The following TSNARE1 variants were observed in gnomAD, a reference collection of about 807,000 sequenced individuals.
TSNARE1 encodes t-SNARE domain containing 1, also known as t-SNARE domain-containing protein 1.
In TSNARE1, 49 loss-of-function variants were observed where a neutral mutation model predicts 62.0. The observed-to-expected ratio is 0.79, with a 90% confidence interval of 0.63 to 1.00. The LOEUF (loss-of-function observed/expected upper bound fraction) is 1.00, where lower values mean the gene tolerates loss of function less well. TSNARE1 is among the 50% of genes least tolerant of loss of function. The pLI, the probability that TSNARE1 is intolerant of heterozygous loss-of-function variation, is 0.00. For missense variants in TSNARE1, 755 were observed against 700.1 expected (o/e 1.08, Z -0.88); for synonymous variants, 328 against 294.4 (o/e 1.11, Z -1.17).
intron 1 of TSNARE1, among the ~76,000 whole-genome samples, chr8:142,378,270 G>A (rs1687632996): frequency 1.3e-5 from 2 of 152,230 alleles, no homozygotes; most frequent in African/African-American, 2.4e-5. Context: ...AGCAAAAGCA[G>A]CCAGGCCAAA....
chr8:142,331,459 A>AGCAGCGGGCAGGGG (rs1232949063), intron 5 of TSNARE1, among the ~76,000 whole-genome samples: 1 of 152,216 alleles, frequency 6.6e-6, no homozygotes, highest in African/African-American at 2.4e-5. Flanking sequence ...GAGAGGAGCC[A>AGCAGCGGGCAGGGG]GCAGCGGGCA....
chr8:142,371,643 G>A (rs966391764), intron 1 of TSNARE1, among the ~76,000 whole-genome samples: 7 of 152,206 alleles, frequency 4.6e-5, no homozygotes, highest in South Asian at 2.1e-4. Context: ...ACTTGCAGGC[G>A]TTGGAAACAC....
At chr8:142,221,502 A>G (rs1439276769) in intron 13 of TSNARE1, among the ~76,000 whole-genome samples, 1 of 152,242 alleles carries the variant, frequency 6.6e-6, no homozygotes, top group East Asian at 1.9e-4. Context: ...TGCTTATGAA[A>G]AATACTTGAT....
At chr8:142,281,262 GAA>G (rs1483910178) in intron 11 of TSNARE1, among the ~76,000 whole-genome samples, 1 of 152,128 alleles carries the variant, frequency 6.6e-6, no homozygotes, top group Admixed American at 6.5e-5. Context: ...CTCAACTGAG[GAA>G]AAGAGACACC....
intron 1 of TSNARE1, among the ~76,000 whole-genome samples, chr8:142,381,468 G>GCCC (rs542900493): frequency 6.6e-6 from 1 of 150,690 alleles, no homozygotes; most frequent in African/African-American, 2.4e-5. Flanking sequence ...ACCTATCAGC[G>GCCC]CCCCCCCCCA....
intron 13 of TSNARE1, among the ~76,000 whole-genome samples, chr8:142,223,864 G>A (rs757292969): frequency 2.4e-4 from 36 of 149,852 alleles, no homozygotes; most frequent in African/African-American, 6.6e-4. Context: ...GGCTCACCTC[G>A]CTTCTACAAG....
intron 1 of TSNARE1, among the ~76,000 whole-genome samples, chr8:142,398,161 C>A (rs1838028317): frequency 6.6e-6 from 1 of 152,094 alleles, no homozygotes. Context: ...CCAGACACAG[C>A]TCAGGCCTCA....
At chr8:142,348,052 G>A (rs2130529728) in intron 2 of TSNARE1, among the ~76,000 whole-genome samples, 1 of 152,302 alleles carries the variant, frequency 6.6e-6, no homozygotes, top group South Asian at 2.1e-4. Flanking sequence ...GACATTTGCT[G>A]TTTGCTTTTG....
In TSNARE1 at chr8:142,237,823, G is replaced by GT. The variant is rs149234197; in HGVS notation, c.1447-8245dup. On this transcript the variant is annotated intron_variant, in intron 12 of 13. Transcript: ENST00000524325. ...CTCTCTCTCCCGAACCATGCTTGCA[G>GT]TGGCTGCTCGTGAGTCCTGTCCACC... is the stretch of plus-strand genomic sequence containing the variant. 5.6e-4 allele frequency among the ~76,000 whole-genome samples: 86 copies of GT among 152,300 alleles called. 1 individual carries two copies. In the East Asian group the frequency reaches 0.015, roughly 26 times the overall value.
chr8:142,321,901 T>C (rs114522095), intron 6 of TSNARE1, among the ~76,000 whole-genome samples: 1,605 of 152,302 alleles, frequency 0.011, 34 homozygotes, highest in African/African-American at 0.037. Flanking sequence ...ACACACATTG[T>C]ATGAGGCTCA....
chr8:142,330,221 G>C (rs1283752544), intron 6 of TSNARE1, among the ~76,000 whole-genome samples: 1 of 152,210 alleles, frequency 6.6e-6, no homozygotes. Flanking sequence ...GAAAAGTATA[G>C]ACTGCTAGCG....
chr8:142,272,901 G>A (rs1036556578), intron 12 of TSNARE1: 13 of 983,694 alleles, frequency 1.3e-5, no homozygotes, highest in South Asian at 4.7e-5. Flanking sequence ...AAGGCCCCTC[G>A]CAGGCAGGTG....
chr8:142,221,657 T>C (rs1728200305), intron 13 of TSNARE1, among the ~76,000 whole-genome samples: 1 of 145,172 alleles, frequency 6.9e-6, no homozygotes, highest in African/African-American at 2.7e-5. Flanking sequence ...ATTCATCCAC[T>C]CACTCACTCA....
chr8:142,282,464 G>A (rs1344279702), intron 11 of TSNARE1, among the ~76,000 whole-genome samples: 1 of 151,792 alleles, frequency 6.6e-6, no homozygotes, highest in South Asian at 2.1e-4. Context: ...TGAGCAAAGG[G>A]GAGGCCACTG....
At chr8:142,362,991 C>A (rs1428362568) in intron 1 of TSNARE1, among the ~76,000 whole-genome samples, 1 of 152,196 alleles carries the variant, frequency 6.6e-6, no homozygotes, top group Non-Finnish European at 1.5e-5. Flanking sequence ...CGCTCGGGTC[C>A]TGGCCCCATC....
At chr8:142,322,911 G>A (rs916013273) in intron 6 of TSNARE1, among the ~76,000 whole-genome samples, 3 of 151,654 alleles carry the variant, frequency 2.0e-5, no homozygotes, top group African/African-American at 7.3e-5. Flanking sequence ...CGTGTCCATG[G>A]GCTGGATGAT....
chr8:142,221,367 C>A (rs953083864), intron 13 of TSNARE1, among the ~76,000 whole-genome samples: 1 of 152,218 alleles, frequency 6.6e-6, no homozygotes, highest in Non-Finnish European at 1.5e-5. Context: ...AGGAAGCACG[C>A]AAAGGTCCCG....
At chr8:142,357,134 AAAG>A (rs758964172) in intron 1 of TSNARE1, among the ~76,000 whole-genome samples, 2 of 152,180 alleles carry the variant, frequency 1.3e-5, no homozygotes, top group Non-Finnish European at 2.9e-5. Flanking sequence ...AGAGTTCCAG[AAAG>A]AAGGACAGGA....
chr8:142,282,368 C>T lies in TSNARE1; in HGVS notation c.1363+2045G>A, dbSNP rs13257584. ...AGGCGTGGAGGCTAGTATCTGTCAACGAGCGGAGCAGGGACCAGCGTCTGT... is the reference window on the plus strand; with the variant it reads ...AGGCGTGGAGGCTAGTATCTGTCAATGAGCGGAGCAGGGACCAGCGTCTGT... On this transcript the variant is annotated intron_variant, in intron 11 of 13. Coordinates refer to ENST00000524325, the MANE Select transcript of TSNARE1 (RefSeq NM_145003.5). Among the ~76,000 whole-genome samples, 6 of 152,350 alleles carry T rather than the reference C, an allele frequency of 3.9e-5. No individual in the cohort carries two copies. In the East Asian group the frequency reaches 5.8e-4, roughly 15 times the overall value.
Sources: gnomAD v4.1 joint callset for allele counts (sites outside exome capture counted in the v4.1 genomes callset) on GRCh38, gnomAD v4.1.1 for gene constraint, MANE v1.5 for transcripts, NCBI Gene and HGNC (gene_info 2026-07-23, HGNC 2026-07-21) for gene names.